SPOCK1: variants seen among roughly 807,000 people sequenced by gnomAD.
The protein encoded by SPOCK1 is SPARC (osteonectin), cwcv and kazal like domains proteoglycan 1, also known as testican-1.
SPOCK1 carries 23 observed loss-of-function variants against 55.3 expected under a neutral mutation model. That is an observed-to-expected ratio of 0.42 (90% CI 0.30 to 0.59). The LOEUF is 0.59. Ranked by LOEUF, SPOCK1 falls within the 20% of genes least tolerant of loss-of-function variation. The pLI is 0.22. For synonymous variants in SPOCK1, 226 were observed against 221.0 expected, an observed-to-expected ratio of 1.02 and a Z score of -0.20; for missense variants, 499 against 552.5, an observed-to-expected ratio of 0.90 and a Z score of 0.97.
rs547667088 is a variant in SPOCK1, at chr5:137,450,292, C to A, written c.186+48081G>T. 1.0e-3 allele frequency among the ~76,000 whole-genome samples: 152 copies of A among 152,150 alleles called. 1 individual carries two copies. The highest frequency in any genetic ancestry group is 1.4e-3 in the Non-Finnish European group (92 of 68,020). On this transcript the variant is annotated intron_variant, in intron 2 of 10. Coordinates refer to ENST00000394945, the MANE Select transcript of SPOCK1 (RefSeq NM_004598.4). ...ACCTTTGGTAATGATAGGTGTTAAC[C>A]CACTGGGATAGAGTGGGTTCAGTTC...
At chr5:137,042,397 T>G (rs1226646662) in intron 6 of SPOCK1, among the ~76,000 whole-genome samples, 1 of 152,144 alleles carries the variant, frequency 6.6e-6, no homozygotes, top group Non-Finnish European at 1.5e-5. Context: ...TACATGACAT[T>G]AGGAATTAGT....
At chr5:137,232,863 C>G (rs983542671) in intron 3 of SPOCK1, among the ~76,000 whole-genome samples, 1 of 152,170 alleles carries the variant, frequency 6.6e-6, no homozygotes, top group African/African-American at 2.4e-5. Flanking sequence ...TTTCTATCAT[C>G]AGTGTTTTTT....
At chr5:137,298,767 C>T (rs1353522001) in intron 2 of SPOCK1, among the ~76,000 whole-genome samples, 3 of 152,008 alleles carry the variant, frequency 2.0e-5, no homozygotes, top group Admixed American at 6.5e-5. Flanking sequence ...TGTTAATATG[C>T]CTTCTTTTAA....
intron 4 of SPOCK1, among the ~76,000 whole-genome samples, chr5:137,117,831 TCAGA>T (rs564283613): frequency 1.8e-3 from 274 of 152,264 alleles, no homozygotes; most frequent in Non-Finnish European, 2.7e-3. Context: ...ACTCTAGAAG[TCAGA>T]CAGTTTCCAA....
At chr5:137,473,916 A>G (rs904392976) in intron 2 of SPOCK1, among the ~76,000 whole-genome samples, 6 of 152,364 alleles carry the variant, frequency 3.9e-5, no homozygotes, top group African/African-American at 1.4e-4. Flanking sequence ...AGCCATAAAA[A>G]GGAATGAATT....
At chr5:137,318,700 T>C (rs1757927000) in intron 2 of SPOCK1, among the ~76,000 whole-genome samples, 2 of 152,226 alleles carry the variant, frequency 1.3e-5, no homozygotes, top group Non-Finnish European at 2.9e-5. Context: ...TTGCCTATTG[T>C]TTAATTTTCC....
At chr5:137,312,452 C>T (rs1757805105) in intron 2 of SPOCK1, among the ~76,000 whole-genome samples, 1 of 152,170 alleles carries the variant, frequency 6.6e-6, no homozygotes, top group Admixed American at 6.5e-5. Flanking sequence ...GAAAACCATG[C>T]CATAAACAGT....
chr5:137,137,424 A>G (rs1754004613), intron 4 of SPOCK1, among the ~76,000 whole-genome samples: 2 of 152,226 alleles, frequency 1.3e-5, no homozygotes, highest in African/African-American at 4.8e-5. Context: ...AAGACCCTTC[A>G]AAGAGGTATG....
intron 2 of SPOCK1, among the ~76,000 whole-genome samples, chr5:137,279,508 C>T (rs74599379): frequency 6.6e-6 from 1 of 152,274 alleles, no homozygotes; most frequent in East Asian, 1.9e-4. Context: ...GGGGATCTGG[C>T]AGGTGCACGA....
chr5:137,110,960 T>C (rs1753456703), intron 5 of SPOCK1, among the ~76,000 whole-genome samples: 1 of 152,168 alleles, frequency 6.6e-6, no homozygotes, highest in South Asian at 2.1e-4. Context: ...TTCCTGTTTG[T>C]AAGAAGCACA....
At chr5:137,288,534 G>A (rs1405962141) in intron 2 of SPOCK1, among the ~76,000 whole-genome samples, 2 of 152,140 alleles carry the variant, frequency 1.3e-5, no homozygotes, top group Non-Finnish European at 2.9e-5. Flanking sequence ...ATAAAGCAAG[G>A]GTCTTTAATC....
At position 137,338,065 on chromosome 5, in the gene SPOCK1, C is replaced by T. The variant is rs192163113; in HGVS notation, c.187-71010G>A. ...TACTTTAAGTTTTAGGGTACATGTG[C>T]ACAACGTGCAGGTTACATATGTATA... On this transcript the variant is annotated intron_variant, in intron 2 of 10. Transcript: ENST00000394945. 2.6e-3 allele frequency among the ~76,000 whole-genome samples: 400 copies of T among 152,226 alleles called. 4 individuals are homozygous for T. Among genetic ancestry groups the T allele is most frequent in the African/African-American group, 8.9e-3 (369 of 41,524 alleles).
chr5:137,465,042 A>G (rs960914385), intron 2 of SPOCK1, among the ~76,000 whole-genome samples: 2 of 152,222 alleles, frequency 1.3e-5, no homozygotes, highest in African/African-American at 4.8e-5. Context: ...ACAACGCTAT[A>G]GAAGCCACTG....
At chr5:137,434,666 A>C (rs1042623618) in intron 2 of SPOCK1, among the ~76,000 whole-genome samples, 8 of 146,312 alleles carry the variant, frequency 5.5e-5, no homozygotes, top group African/African-American at 2.0e-4. Flanking sequence ...CGCCCAGCTA[A>C]TTTTTTTTTT....
intron 9 of SPOCK1, 37 bp from the exon 10 acceptor site, chr5:136,979,506 T>C (rs754457985): frequency 9.9e-6 from 15 of 1,511,898 alleles, no homozygotes; most frequent in Non-Finnish European, 1.3e-5. Context: ...ATCAGAGACA[T>C]GCAGATGATA....
At chr5:137,355,310 A>G (rs1470461422) in intron 2 of SPOCK1, among the ~76,000 whole-genome samples, 4 of 152,184 alleles carry the variant, frequency 2.6e-5, no homozygotes, top group Non-Finnish European at 5.9e-5. Flanking sequence ...CTCCTGCCTC[A>G]GCCTCCAGAG....
chr5:137,174,834 GA>G (rs1456411693), intron 3 of SPOCK1, among the ~76,000 whole-genome samples: 3 of 152,170 alleles, frequency 2.0e-5, no homozygotes, highest in African/African-American at 7.2e-5. Flanking sequence ...GACTGAGACA[GA>G]AAAGAGGGGT....
chr5:137,081,067 G>A (rs1298978100), intron 5 of SPOCK1, among the ~76,000 whole-genome samples: 7 of 152,240 alleles, frequency 4.6e-5, no homozygotes, highest in African/African-American at 1.2e-4. Context: ...CAGCAGGGGG[G>A]CTGTGCCTCC....
chr5:137,430,423 G>A (rs1377728237), intron 2 of SPOCK1, among the ~76,000 whole-genome samples: 2 of 152,152 alleles, frequency 1.3e-5, no homozygotes, highest in South Asian at 2.1e-4. Flanking sequence ...ATATTAAAAT[G>A]ATGCTTCAGC....
Sources: gnomAD v4.1 joint callset for allele counts (sites outside exome capture counted in the v4.1 genomes callset) on GRCh38, gnomAD v4.1.1 for gene constraint, MANE v1.5 for transcripts, NCBI Gene and HGNC (gene_info 2026-07-23, HGNC 2026-07-21) for gene names.